The following P3H1 variants were observed in gnomAD, a reference collection of about 807,000 sequenced individuals.
P3H1 encodes growth suppressor 1.
A neutral mutation model predicts 84.0 loss-of-function variants in P3H1; 69 were observed. That is an observed-to-expected ratio of 0.82 (90% CI 0.68 to 1.00). P3H1 has a LOEUF of 1.00. Ranked by LOEUF, P3H1 falls within the 50% of genes least tolerant of loss-of-function variation. The pLI is 0.00. For synonymous variants in P3H1, 366 were observed against 388.8 expected (o/e 0.94, Z 0.69); for missense variants, 878 against 962.8 (o/e 0.91, Z 1.17).
In P3H1 at chr1:42,754,381, GA is replaced by G. The variant is rs1314520347; in HGVS notation, c.1345+487del. On this transcript the variant is annotated intron_variant, in intron 8 of 14. Transcript: ENST00000296388. This position sits in a 1 kb window ranked among gnomAD's most constrained non-coding sequence, Gnocchi z 4.0. ...GAGGAAGAGGAGCCAAAGGAGGCCT[GA>G]AGGCGTTGAGTCTCAGTAAAGGGAC... Among the ~76,000 whole-genome samples the G allele has an allele frequency of 6.6e-6, 1 of 152,184 alleles. No individual in the cohort carries two copies. The highest frequency in any genetic ancestry group is 2.4e-5 in the African/African-American group (1 of 41,440).
At chr1:42,755,501 T>C (rs2124124212) in intron 6 of P3H1, 47 bp downstream of exon 6, 6 of 1,476,066 alleles carry the variant, frequency 4.1e-6, no homozygotes, top group Non-Finnish European at 5.7e-6. Flanking sequence ...TCATCTCTCC[T>C]GCTCACTCTT....
chr1:42,762,131 C>A (rs1043456194), intron 2 of P3H1, 192 bp downstream of exon 2: 14 of 571,736 alleles, frequency 2.4e-5, no homozygotes, highest in African/African-American at 3.8e-5. Flanking sequence ...TAAAAAAAAA[C>A]AAAAGAATGC....
In P3H1 at chr1:42,766,525, CAGGT is replaced by C; in HGVS notation, c.443_446del (p.Tyr148CysfsTer35). ...TCTGCACCTTGAAGTAGGCGACCTGCAGGTAGTTGTAGGGGCTCCGCTTGCGGAA... is the reference window on the plus strand; with the variant it reads ...TCTGCACCTTGAAGTAGGCGACCTGCAGTTGTAGGGGCTCCGCTTGCGGAA... On this transcript the variant is annotated frameshift_variant, in exon 1 of 15. Coordinates refer to ENST00000296388, the MANE Select transcript of P3H1 (RefSeq NM_022356.4). LOFTEE classifies it high-confidence loss of function. 6.2e-7 allele frequency: 1 copy of C among 1,611,696 alleles called. No homozygotes were observed.
rs1652574621 is a variant in P3H1 at position 42,759,309 on chromosome 1, C to T, written c.700G>A (p.Glu234Lys). Residue 234 changes from glutamate to lysine, a missense_variant, in exon 3 of 15, where the codon GAA (glutamate) becomes AAA (lysine). Glu to Lys is a moderately conservative substitution (Grantham distance 56, BLOSUM62 1). Transcript: ENST00000296388. ...AVPHLEAALQ[E>K]YFVAYEECRA... Reference sequence around the variant, plus strand: ...CACTCCTCATAGGCCACAAAGTATTCTTGCAGCGCCGCCTCTAGGTGGGGC... The same window carrying T: ...CACTCCTCATAGGCCACAAAGTATTTTTGCAGCGCCGCCTCTAGGTGGGGC... 1.2e-6 allele frequency: 2 copies of T among 1,614,078 alleles called. No homozygotes were observed. Among genetic ancestry groups the T allele is most frequent in the South Asian group, 1.1e-5 (1 of 91,090 alleles).
intron 4 of P3H1, 105 bp downstream of exon 4, chr1:42,758,747 A>G: frequency 7.3e-7 from 1 of 1,376,656 alleles, no homozygotes; most frequent in South Asian, 1.2e-5. Context: ...TAGCTACTGA[A>G]ATAAGCCAAA....
chr1:42,750,879 C>T lies in P3H1; in HGVS notation c.1570-543G>A, dbSNP rs1429799482. 3.3e-5 allele frequency among the ~76,000 whole-genome samples: 5 copies of T among 149,932 alleles called. No individual in the cohort carries two copies. The East Asian group carries it at 8.1e-4, about 24-fold the overall frequency. On this transcript the variant is annotated intron_variant, in intron 10 of 14. Transcript: ENST00000296388. ...CCAGGAGGTGAGGGGCGCCTCTGCCCGGCTGCCCCTACTGGGAAGTGAGGA... is the reference window on the plus strand; with the variant it reads ...CCAGGAGGTGAGGGGCGCCTCTGCCTGGCTGCCCCTACTGGGAAGTGAGGA...
Position 42,747,776 on chromosome 1 carries a change from C to A in P3H1, c.1861G>T (p.Asp621Tyr). 1 of 1,614,200 alleles carries A rather than the reference C, an allele frequency of 6.2e-7. No individual in the cohort carries two copies. ...AAATAAAAGTTTCCGCCATCGAAGT[C>A]CCCATTTAGGTAAAGGATGGCGCTG... ...DYSAILYLNG[D>Y]FDGGNFYFTE... is the part of the protein sequence containing the mutation. The change falls in exon 13 of 15, where the codon GAC becomes TAC. Residue 621 changes from aspartate (D) to tyrosine (Y), a missense_variant. By Grantham distance (160) the Asp-to-Tyr change is radical. Coordinates refer to ENST00000296388, the MANE Select transcript of P3H1 (RefSeq NM_022356.4).
chr1:42,754,607 C>G lies in P3H1; in HGVS notation c.1345+262G>C, dbSNP rs1040986742. ...GGCTCAAGCGATCCTCCTGCCTCAG[C>G]CTGCCAAGTAGCTGGGATTACGGGT... On this transcript the variant is annotated intron_variant, in intron 8 of 14. Transcript: ENST00000296388. The surrounding 1 kb of genome is among the most constrained non-coding windows in gnomAD (Gnocchi z 4.0). 2.0e-5 allele frequency among the ~76,000 whole-genome samples: 3 copies of G among 152,060 alleles called. No homozygotes were observed. Among genetic ancestry groups the G allele is most frequent in the Non-Finnish European group, 4.4e-5 (3 of 68,010 alleles).
chr1:42,748,435 T>C (rs540607640), intron 11 of P3H1, 118 bp from the exon 12 acceptor site: 1 of 810,910 alleles, frequency 1.2e-6, no homozygotes, highest in Non-Finnish European at 2.2e-6. Flanking sequence ...CCCAATGAAC[T>C]AGGGGGGTGT....
chr1:42,749,653 A>C (rs557048992), intron 11 of P3H1, among the ~76,000 whole-genome samples: 1 of 152,348 alleles, frequency 6.6e-6, no homozygotes, highest in African/African-American at 2.4e-5. Context: ...ACCAGGCTGC[A>C]CAATGCCTCC....
Position 42,747,335 on chromosome 1 carries a change from G to A in P3H1, c.1992C>T (p.Val664=), listed in dbSNP as rs1022372763. The A allele has an allele frequency of 1.6e-4, 257 of 1,609,946 alleles. No individual in the cohort carries two copies. Among genetic ancestry groups the A allele is most frequent in the Non-Finnish European group, 2.1e-4 (251 of 1,177,212 alleles). ...CGATGGCACAGCGCTGCCCCCTGGT[G>A]ACAGCCTTCACTCCATGTGGGTTTT... ...GTENPHGVKA[V]TRGQRCAIAL... The change falls in exon 14 of 15, where the codon GTC becomes GTT. Residue 664 remains valine, a synonymous_variant. Transcript: ENST00000296388.
Position 42,766,824 on chromosome 1 carries a change from C to A in P3H1, c.148G>T (p.Asp50Tyr). Residue 50 changes from aspartate to tyrosine, a missense_variant, in exon 1 of 15, where the codon GAC becomes TAC. Transcript: ENST00000296388. ...ATGCTCAGGACCACCCCGGGCCAGT[C>A]CCCGCGCGCGTAGGCTGCGGTCCCC... ...AEGTAAYARG[D>Y]WPGVVLSMER... is the part of the protein sequence containing the mutation. 1 of 1,604,100 alleles carries A rather than the reference C, an allele frequency of 6.2e-7. No individual in the cohort carries two copies. Among genetic ancestry groups the A allele is most frequent in the Non-Finnish European group, 8.5e-7 (1 of 1,179,702 alleles).
chr1:42,766,583 T>TGGGCGGC lies in P3H1; in HGVS notation c.382_388dup (p.His130ArgfsTer48). ...CAGCTCCATCTCTTCGCTGAGCGAG[T>TGGGCGGC]GGGCGGCCGGCGGCCCGAGGCAGCG... On this transcript the variant is annotated frameshift_variant, in exon 1 of 15. Transcript: ENST00000296388. LOFTEE classifies it high-confidence loss of function. 6.2e-7 allele frequency: 1 copy of TGGGCGGC among 1,610,772 alleles called. No homozygotes were observed. Among genetic ancestry groups the TGGGCGGC allele is most frequent in the Non-Finnish European group, 8.5e-7 (1 of 1,178,948 alleles).
At chr1:42,747,164 T>C (rs531334778) in intron 14 of P3H1, 108 bp downstream of exon 14, 1 of 1,614,158 alleles carries the variant, frequency 6.2e-7, no homozygotes, top group African/African-American at 1.3e-5. Flanking sequence ...TCCTTTCGTG[T>C]CTCAGCCACT....
At chr1:42,755,812 T>G (rs1178271975) in intron 5 of P3H1, among the ~76,000 whole-genome samples, 175 bp from the exon 6 acceptor site, 1 of 152,162 alleles carries the variant, frequency 6.6e-6, no homozygotes, top group Non-Finnish European at 1.5e-5. Context: ...TTCTGTGTCC[T>G]CTGCCTGGCA....
Position 42,758,998 on chromosome 1 carries a change from AC to A in P3H1, c.809-16del. 1 of 1,614,142 alleles carries A rather than the reference AC, an allele frequency of 6.2e-7. No individual in the cohort carries two copies. The highest frequency in any genetic ancestry group is 8.5e-7 in the Non-Finnish European group (1 of 1,179,946). ...GATGTAATGATCTGAAAGGAATCAA[AC>A]AGAAGGAATAACTATGAGGTCACTC... On this transcript the variant is annotated splice_polypyrimidine_tract_variant and intron_variant, in intron 3 of 14. Coordinates refer to ENST00000296388, the MANE Select transcript of P3H1 (RefSeq NM_022356.4).
rs552453358 is a variant in P3H1 at position 42,755,151 on chromosome 1, T to C, written c.1223+14A>G. On this transcript the variant is annotated intron_variant, in intron 7 of 14. Transcript: ENST00000296388. ...CAGACTGATCCAACCATGCAGTTTC[T>C]TCAAGGTCCTCACTTCTGTTTCTCT... is the stretch of plus-strand genomic sequence containing the variant. 38 of 1,614,136 alleles carry C rather than the reference T, an allele frequency of 2.4e-5. No individual in the cohort carries two copies. In the South Asian group the frequency reaches 3.1e-4, roughly 13 times the overall value.
chr1:42,757,126 G>A (rs937915535), intron 5 of P3H1, among the ~76,000 whole-genome samples: 5 of 152,126 alleles, frequency 3.3e-5, no homozygotes, highest in South Asian at 2.1e-4. Context: ...AAAAGAGACC[G>A]GAAGTGCCAT....
At chr1:42,753,478 A>T (rs1344288878) in intron 8 of P3H1, among the ~76,000 whole-genome samples, 1 of 152,226 alleles carries the variant, frequency 6.6e-6, no homozygotes, top group Non-Finnish European at 1.5e-5. Context: ...CTCAGTGTGT[A>T]CCAGGAACTG....
Sources: allele counts gnomAD v4.1 joint callset (sites outside exome capture counted in the v4.1 genomes callset), GRCh38; gene constraint gnomAD v4.1.1; non-coding constraint Gnocchi (gnomAD v3.1); transcripts MANE v1.5; gene names NCBI Gene and HGNC (gene_info 2026-07-23, HGNC 2026-07-21).